PDGFC: variants seen among roughly 807,000 people sequenced by gnomAD.
PDGFC encodes the protein platelet-derived growth factor C.
PDGFC carries 12 observed loss-of-function variants against 35.5 expected under a neutral mutation model. That is an observed-to-expected ratio of 0.34 (90% CI 0.22 to 0.55). PDGFC has a LOEUF of 0.55. Ranked by LOEUF, PDGFC falls within the 20% of genes least tolerant of loss-of-function variation. PDGFC has a pLI of 0.91. For missense variants in PDGFC, 322 were observed against 412.4 expected (o/e 0.78, Z 1.90); for synonymous variants, 159 against 148.8 (o/e 1.07, Z -0.50).
chr4:156,967,931 T>G (rs1307730615), intron 1 of PDGFC, among the ~76,000 whole-genome samples: 1 of 152,202 alleles, frequency 6.6e-6, no homozygotes, highest in Non-Finnish European at 1.5e-5. Flanking sequence ...GTATAGTATA[T>G]GAAGTCAACT....
intron 1 of PDGFC, among the ~76,000 whole-genome samples, chr4:156,876,033 C>T (rs537156703): frequency 5.9e-5 from 9 of 152,262 alleles, no homozygotes; most frequent in African/African-American, 2.2e-4. Flanking sequence ...CTAAGAATGA[C>T]AGCTGCTCCC....
chr4:156,895,776 A>G (rs972175999), intron 1 of PDGFC, among the ~76,000 whole-genome samples: 3 of 152,188 alleles, frequency 2.0e-5, no homozygotes, highest in African/African-American at 7.2e-5. Context: ...GGTTTTAAAC[A>G]AAAATATGAG....
At chr4:156,954,628 AT>A (rs748859544) in intron 1 of PDGFC, among the ~76,000 whole-genome samples, 37 of 151,338 alleles carry the variant, frequency 2.4e-4, no homozygotes, top group South Asian at 1.0e-3. Flanking sequence ...GAAATGATAC[AT>A]TTTTTTTTCT....
At chr4:156,914,050 C>A in intron 1 of PDGFC, among the ~76,000 whole-genome samples, 1 of 151,830 alleles carries the variant, frequency 6.6e-6, no homozygotes, top group East Asian at 1.9e-4. Context: ...AAAAACATCA[C>A]TAGAATTGAT....
At chr4:156,892,061 T>G (rs1730525991) in intron 1 of PDGFC, among the ~76,000 whole-genome samples, 1 of 152,184 alleles carries the variant, frequency 6.6e-6, no homozygotes, top group Non-Finnish European at 1.5e-5. Context: ...AGAAGCCTTG[T>G]GTAAGCTCTA....
rs1453236153 is a variant in PDGFC at position 156,886,252 on chromosome 4, A to G, written c.119-35836T>C. 2.0e-5 allele frequency among the ~76,000 whole-genome samples: 3 copies of G among 152,164 alleles called. No individual in the cohort carries two copies. The East Asian group carries it at 5.8e-4, about 29-fold the overall frequency. On this transcript the variant is annotated intron_variant, in intron 1 of 5. Transcript: ENST00000502773. ...GGTGTAATAACATTGTGGGAAGGGC[A>G]ATTTTTTAGAGACTTCAGTTTTCTG...
chr4:156,912,411 C>A (rs1731059273), intron 1 of PDGFC, among the ~76,000 whole-genome samples: 1 of 152,084 alleles, frequency 6.6e-6, no homozygotes, highest in African/African-American at 2.4e-5. Flanking sequence ...CTTAACCTTT[C>A]ATTATGTGGA....
intron 3 of PDGFC, among the ~76,000 whole-genome samples, chr4:156,791,116 A>G (rs1731290099): frequency 6.6e-6 from 1 of 152,166 alleles, no homozygotes; most frequent in Non-Finnish European, 1.5e-5. Flanking sequence ...TTTCCCAGCC[A>G]GTACTACTTA....
Position 156,828,759 on chromosome 4 carries a change from A to T in PDGFC, c.315-17742T>A, listed in dbSNP as rs1428616563. On this transcript the variant is annotated intron_variant, in intron 2 of 5. Coordinates refer to ENST00000502773, the MANE Select transcript of PDGFC (RefSeq NM_016205.3). ...CTTACATCACTTTCATTTATATATTACTTCCTAAGTAAGCTTGTATATACT... is the reference window on the plus strand; with the variant it reads ...CTTACATCACTTTCATTTATATATTTCTTCCTAAGTAAGCTTGTATATACT... Among the ~76,000 whole-genome samples, 5 of 152,308 alleles carry T rather than the reference A, an allele frequency of 3.3e-5. No homozygotes were observed. The East Asian group carries it at 9.6e-4, about 29-fold the overall frequency.
chr4:156,766,688 A>C (rs1171232962), intron 5 of PDGFC, among the ~76,000 whole-genome samples: 2 of 152,154 alleles, frequency 1.3e-5, no homozygotes, highest in Non-Finnish European at 2.9e-5. Flanking sequence ...TCATATGCAT[A>C]AAGTGTTCAG....
rs942593096 is a variant in PDGFC at position 156,762,935 on chromosome 4, A to G, written c.*155T>C. 3.6e-6 allele frequency: 2 copies of G among 560,136 alleles called. No individual in the cohort carries two copies. Among genetic ancestry groups the G allele is most frequent in the African/African-American group, 3.7e-5 (2 of 54,018 alleles). 34.7% of individuals were successfully genotyped at this position (560,136 alleles called of 1,614,324 possible). A position where few individuals can be genotyped will look rare whatever the true frequency, so the allele number is the denominator to read the frequency against. On this transcript the variant is annotated 3_prime_UTR_variant, in exon 6 of 6. Coordinates refer to ENST00000502773, the MANE Select transcript of PDGFC (RefSeq NM_016205.3). ...GTTGCACAACTCCTAATTCTGTTTG[A>G]TGTCTCCTCTTTCAGAATGCACTGT... is the stretch of plus-strand genomic sequence containing the variant.
At chr4:156,944,266 T>C (rs2110917183) in intron 1 of PDGFC, among the ~76,000 whole-genome samples, 1 of 152,224 alleles carries the variant, frequency 6.6e-6, no homozygotes, top group South Asian at 2.1e-4. Context: ...CTTACATGCA[T>C]GTCTAGTAGA....
rs149940644 is a variant in PDGFC, at chr4:156,872,986, T to C, written c.119-22570A>G. ...TTCTACTGTAAATAAATAAAATATC[T>C]AGGTGTAGTGTTGTACACCTGTAGT... On this transcript the variant is annotated intron_variant, in intron 1 of 5. Transcript: ENST00000502773. Among the ~76,000 whole-genome samples the C allele has an allele frequency of 1.8e-3, 281 of 152,172 alleles. 1 individual carries two copies. Among genetic ancestry groups the C allele is most frequent in the African/African-American group, 6.5e-3 (269 of 41,542 alleles).
chr4:156,856,322 A>G (rs1174614646), intron 1 of PDGFC, among the ~76,000 whole-genome samples: 1 of 152,152 alleles, frequency 6.6e-6, no homozygotes, highest in Non-Finnish European at 1.5e-5. Flanking sequence ...TTATTCCTGA[A>G]GTTAAGAAAT....
chr4:156,772,651 A>G (rs781674510), intron 4 of PDGFC, 35 bp downstream of exon 4: 8 of 1,413,660 alleles, frequency 5.7e-6, no homozygotes, highest in Non-Finnish European at 7.0e-6. Context: ...TGTTAAGAAA[A>G]TTAAATGAGG....
intron 1 of PDGFC, among the ~76,000 whole-genome samples, chr4:156,855,220 T>G (rs970336587): frequency 5.3e-5 from 8 of 152,108 alleles, no homozygotes; most frequent in Non-Finnish European, 1.0e-4. Context: ...AAAAAAATAT[T>G]TATTATGGGT....
At chr4:156,958,272 AT>A (rs1250906176) in intron 1 of PDGFC, among the ~76,000 whole-genome samples, 1 of 151,842 alleles carries the variant, frequency 6.6e-6, no homozygotes, top group African/African-American at 2.4e-5. Flanking sequence ...TCCAGTTTAA[AT>A]GCAGGTCTTA....
At chr4:156,900,969 A>G (rs1730757047) in intron 1 of PDGFC, among the ~76,000 whole-genome samples, 1 of 151,426 alleles carries the variant, frequency 6.6e-6, no homozygotes, top group African/African-American at 2.4e-5. Context: ...GGGAGGAAGA[A>G]AAAAAGAGAA....
intron 2 of PDGFC, among the ~76,000 whole-genome samples, chr4:156,832,309 T>G (rs1182082340): frequency 4.1e-5 from 6 of 146,332 alleles, no homozygotes; most frequent in Non-Finnish European, 5.9e-5. Flanking sequence ...CAGGCTGGAG[T>G]GCAATGGCAC....
Sources: gnomAD v4.1 joint callset for allele counts (sites outside exome capture counted in the v4.1 genomes callset) on GRCh38, gnomAD v4.1.1 for gene constraint, MANE v1.5 for transcripts, NCBI Gene and HGNC (gene_info 2026-07-23, HGNC 2026-07-21) for gene names.